LPP: variants seen among roughly 807,000 people sequenced by gnomAD.
LPP encodes the protein lipoma-preferred partner.
Under a neutral mutation model 60.4 loss-of-function variants are expected in LPP, and 38 were observed. The ratio of observed to expected loss-of-function variants is 0.63; its 90% CI spans 0.49 to 0.83. The LOEUF is 0.83. Among genes scored for constraint, LPP ranks in the 40% least tolerant of loss-of-function variants. The pLI is 0.00. For synonymous variants in LPP, 328 were observed against 290.8 expected (o/e 1.13, Z -1.30); for missense variants, 902 against 783.6 (o/e 1.15, Z -1.80).
intron 2 of LPP, among the ~76,000 whole-genome samples, chr3:188,323,653 T>A (rs188396138): frequency 6.6e-6 from 1 of 152,354 alleles, no homozygotes; most frequent in East Asian, 1.9e-4. Context: ...GTCATGGTTG[T>A]TCTATGCACG....
chr3:188,679,648 A>G (rs1035559981), intron 7 of LPP, among the ~76,000 whole-genome samples: 1 of 152,122 alleles, frequency 6.6e-6, no homozygotes, highest in African/African-American at 2.4e-5. Flanking sequence ...AATACATTAC[A>G]TGGATGCTCT....
At chr3:188,713,275 C>T (rs1411808757) in intron 8 of LPP, among the ~76,000 whole-genome samples, 1 of 152,016 alleles carries the variant, frequency 6.6e-6, no homozygotes, top group Non-Finnish European at 1.5e-5. Flanking sequence ...CTTCAAGACA[C>T]CTGTCCTGAA....
At chr3:188,329,213 G>A (rs1404452070) in intron 2 of LPP, among the ~76,000 whole-genome samples, 1 of 152,172 alleles carries the variant, frequency 6.6e-6, no homozygotes, top group East Asian at 1.9e-4. Flanking sequence ...GTGGAAAGAT[G>A]TGTCTAAGAT....
chr3:188,484,323 C>G (rs555228258), intron 4 of LPP, among the ~76,000 whole-genome samples: 7 of 152,262 alleles, frequency 4.6e-5, no homozygotes, highest in Admixed American at 4.6e-4. Context: ...TATCTCCCAC[C>G]CAAGCTCATT....
chr3:188,350,069 G>T (rs1578251271), intron 3 of LPP, among the ~76,000 whole-genome samples: 2 of 152,206 alleles, frequency 1.3e-5, no homozygotes, highest in East Asian at 3.8e-4. Context: ...CTTGTCAGAG[G>T]CAGGCAACAT....
rs1553817764 is a variant in LPP, at chr3:188,731,516, T to TTTTGTTTTGTTTTGTTTTGTTTTG, written c.1240+23126_1240+23127insGTTTTGTTTTGTTTTGTTTTGTTT. Among the ~76,000 whole-genome samples the TTTTGTTTTGTTTTGTTTTGTTTTG allele has an allele frequency of 1.4e-4, 21 of 145,818 alleles. 1 individual carries two copies. Among genetic ancestry groups the TTTTGTTTTGTTTTGTTTTGTTTTG allele is most frequent in the Middle Eastern group, 7.0e-3 (2 of 286 alleles). On this transcript the variant is annotated intron_variant, in intron 8 of 11. Coordinates refer to ENST00000617246, the MANE Select transcript of LPP (RefSeq NM_001375462.1). ...TGTCTAATCTTTTATTTTTTTGTTT[T>TTTTGTTTTGTTTTGTTTTGTTTTG]TTTTGTTTTGTTTTGTTTTGTTTTG... is the stretch of plus-strand genomic sequence containing the variant.
At chr3:188,775,055 G>GTTTTCTTTTTTTTTTTTT (rs1737292256) in intron 9 of LPP, among the ~76,000 whole-genome samples, 13 of 136,702 alleles carry the variant, frequency 9.5e-5, no homozygotes, top group African/African-American at 3.5e-4. Context: ...CATGCTTAGT[G>GTTTTCTTTTTTTTTTTTT]TTTTTTTTTT....
intron 3 of LPP, among the ~76,000 whole-genome samples, chr3:188,387,271 A>G (rs1226593499): frequency 1.4e-4 from 22 of 152,054 alleles, no homozygotes; most frequent in Non-Finnish European, 8.8e-5. Flanking sequence ...TACAGGTGCA[A>G]TCTATCATGA....
intron 3 of LPP, among the ~76,000 whole-genome samples, chr3:188,385,685 C>A (rs927453469): frequency 4.6e-5 from 7 of 152,110 alleles, no homozygotes; most frequent in African/African-American, 1.7e-4. Context: ...GACTCTTTAC[C>A]AGGCGTTGTG....
chr3:188,371,773 G>A (rs1773325394), intron 3 of LPP, among the ~76,000 whole-genome samples: 1 of 144,508 alleles, frequency 6.9e-6, no homozygotes, highest in Non-Finnish European at 1.5e-5. Flanking sequence ...TCCTGCCTCA[G>A]CCTCCCAAGC....
At chr3:188,847,042 A>C (rs1257416639) in intron 9 of LPP, among the ~76,000 whole-genome samples, 3 of 152,218 alleles carry the variant, frequency 2.0e-5, no homozygotes, top group Non-Finnish European at 2.9e-5. Flanking sequence ...AACTAGTTGC[A>C]AACATTTAAA....
intron 9 of LPP, among the ~76,000 whole-genome samples, chr3:188,801,200 G>A (rs1276206941): frequency 6.6e-6 from 1 of 152,172 alleles, no homozygotes; most frequent in African/African-American, 2.4e-5. Context: ...TTGTCATAAA[G>A]TCATCTGTCC....
chr3:188,194,492 A>C (rs1729003255), intron 1 of LPP, among the ~76,000 whole-genome samples: 1 of 152,200 alleles, frequency 6.6e-6, no homozygotes, highest in African/African-American at 2.4e-5. Flanking sequence ...ATCTGTTTAC[A>C]TCTCTACTTT....
intron 1 of LPP, among the ~76,000 whole-genome samples, chr3:188,181,017 G>T (rs1364054045): frequency 6.6e-6 from 1 of 152,036 alleles, no homozygotes; most frequent in Non-Finnish European, 1.5e-5. Context: ...GTTTCAGAGA[G>T]AACATGTTGT....
chr3:188,463,168 A>G (rs1254133277), intron 4 of LPP, among the ~76,000 whole-genome samples: 1 of 152,172 alleles, frequency 6.6e-6, no homozygotes, highest in Non-Finnish European at 1.5e-5. Context: ...CTTTTACTGC[A>G]TATGTATGAA....
In LPP at chr3:188,716,017, G is replaced by A. The variant is rs114512954; in HGVS notation, c.1240+7624G>A. 4.7e-3 allele frequency among the ~76,000 whole-genome samples: 713 copies of A among 152,258 alleles called. 7 individuals are homozygous for A. The highest frequency in any genetic ancestry group is 0.016 in the African/African-American group (685 of 41,534). ...ATTCCTTCTTTAAAAAAAAGCAGAA[G>A]TATGTGAGCCTTAAAATTATTGAGT... On this transcript the variant is annotated intron_variant, in intron 8 of 11. Coordinates refer to ENST00000617246, the MANE Select transcript of LPP (RefSeq NM_001375462.1).
chr3:188,240,318 T>G (rs1577476672), intron 2 of LPP, among the ~76,000 whole-genome samples: 1 of 151,844 alleles, frequency 6.6e-6, no homozygotes, highest in Admixed American at 6.6e-5. Context: ...GTTGACTGCA[T>G]AAGAGTCAGG....
intron 9 of LPP, among the ~76,000 whole-genome samples, chr3:188,818,372 C>G (rs965809657): frequency 2.2e-4 from 33 of 152,196 alleles, no homozygotes; most frequent in African/African-American, 7.7e-4. Context: ...TATTATAATA[C>G]TTTCTATTGG....
At chr3:188,640,236 G>A (rs1849770401) in intron 7 of LPP, among the ~76,000 whole-genome samples, 1 of 151,400 alleles carries the variant, frequency 6.6e-6, no homozygotes, top group African/African-American at 2.4e-5. Flanking sequence ...GATGAAATTG[G>A]AAATCATCAT....
Sources: allele counts gnomAD v4.1 joint callset (sites outside exome capture counted in the v4.1 genomes callset), GRCh38; gene constraint gnomAD v4.1.1; transcripts MANE v1.5; gene names NCBI Gene and HGNC (gene_info 2026-07-23, HGNC 2026-07-21).